Variants in HEATR5A observed in about 807,000 individuals in gnomAD.
HEATR5A encodes HEAT repeat containing 5A.
HEATR5A carries 178 observed loss-of-function variants against 218.8 expected under a neutral mutation model. That is an observed-to-expected ratio of 0.81 (90% CI 0.72 to 0.92). HEATR5A has a LOEUF of 0.92. HEATR5A is among the 40% of genes least tolerant of loss of function. HEATR5A has a pLI of 0.00. For missense variants in HEATR5A, 2,420 were observed against 2,418.9 expected (o/e 1.00, Z -0.01); for synonymous variants, 864 against 871.6 (o/e 0.99, Z 0.15).
At chr14:31,300,043 A>T (rs1899319847) in intron 33 of HEATR5A, among the ~76,000 whole-genome samples, 1 of 152,028 alleles carries the variant, frequency 6.6e-6, no homozygotes, top group African/African-American at 2.4e-5. Context: ...CTCAACAACA[A>T]CCACAACAAA....
At chr14:31,332,950 C>T (rs955941439) in intron 22 of HEATR5A, among the ~76,000 whole-genome samples, 2 of 150,198 alleles carry the variant, frequency 1.3e-5, no homozygotes, top group Non-Finnish European at 1.5e-5. Context: ...CGCGCCACTG[C>T]ACTCCAGCCT....
intron 13 of HEATR5A, among the ~76,000 whole-genome samples, chr14:31,368,194 C>T (rs1901876419): frequency 6.6e-6 from 1 of 151,990 alleles, no homozygotes; most frequent in Non-Finnish European, 1.5e-5. Flanking sequence ...CCTTCTATCC[C>T]TTTGCCAGAT....
At chr14:31,387,574 T>G (rs2030280728) in intron 7 of HEATR5A, among the ~76,000 whole-genome samples, 199 bp from the exon 8 acceptor site, 1 of 151,914 alleles carries the variant, frequency 6.6e-6, no homozygotes, top group Admixed American at 6.6e-5. Context: ...TTTTTTTTTT[T>G]TTTGAGACGG....
intron 1 of HEATR5A, among the ~76,000 whole-genome samples, chr14:31,417,919 A>G (rs1304884104): frequency 6.6e-6 from 1 of 152,138 alleles, no homozygotes; most frequent in African/African-American, 2.4e-5. Context: ...AATAAGTAAA[A>G]GTGAGGCTGG....
chr14:31,401,125 C>T (rs2030863554), intron 2 of HEATR5A, among the ~76,000 whole-genome samples: 1 of 152,092 alleles, frequency 6.6e-6, no homozygotes, highest in Non-Finnish European at 1.5e-5. Flanking sequence ...AGGCGTTAGC[C>T]ACCGCGTATT....
At chr14:31,364,034 C>T (rs1210377584) in intron 14 of HEATR5A, among the ~76,000 whole-genome samples, 155 bp downstream of exon 14, 1 of 152,192 alleles carries the variant, frequency 6.6e-6, no homozygotes, top group Non-Finnish European at 1.5e-5. Context: ...ATGGTGAACA[C>T]ATGGATTAGG....
intron 16 of HEATR5A, among the ~76,000 whole-genome samples, chr14:31,358,126 T>C (rs926283193): frequency 1.3e-5 from 2 of 152,182 alleles, no homozygotes; most frequent in African/African-American, 4.8e-5. Context: ...CAAAACCTCC[T>C]CCTATCCCTA....
At chr14:31,365,728 G>C (rs1374031147) in intron 13 of HEATR5A, among the ~76,000 whole-genome samples, 2 of 151,790 alleles carry the variant, frequency 1.3e-5, no homozygotes, top group East Asian at 3.9e-4. Context: ...GTAGTGGCGT[G>C]ATCTCAGCTC....
chr14:31,296,779 T>C (rs1899201039), intron 33 of HEATR5A: 1 of 152,160 alleles, frequency 6.6e-6, no homozygotes, highest in African/African-American at 2.4e-5. Context: ...AAAAGAAAGA[T>C]GTAGCAAATT....
intron 17 of HEATR5A, 75 bp downstream of exon 17, chr14:31,350,537 C>A (rs1259123604): frequency 6.5e-6 from 5 of 765,332 alleles, no homozygotes; most frequent in African/African-American, 3.6e-5. Context: ...AAAACATCAT[C>A]CTCCGACAAA....
chr14:31,344,605 A>T (rs1027834734), intron 20 of HEATR5A, among the ~76,000 whole-genome samples: 3 of 147,864 alleles, frequency 2.0e-5, no homozygotes, highest in African/African-American at 8.0e-5. Flanking sequence ...TCTTAATCTG[A>T]AAAGTTTATT....
At chr14:31,419,004 A>C (rs2031551037) in intron 1 of HEATR5A, among the ~76,000 whole-genome samples, 1 of 152,194 alleles carries the variant, frequency 6.6e-6, no homozygotes, top group Non-Finnish European at 1.5e-5. Context: ...TTAAGAATTA[A>C]AAAGGTACTT....
chr14:31,394,023 A>C (rs757732055), intron 6 of HEATR5A, 29 bp downstream of exon 6: 12 of 1,405,316 alleles, frequency 8.5e-6, no homozygotes, highest in Non-Finnish European at 1.1e-5. Flanking sequence ...ATTACAGAAG[A>C]GACTTTGAAA....
intron 28 of HEATR5A, 110 bp from the exon 29 acceptor site, chr14:31,309,292 C>G (rs1470238017): frequency 5.7e-6 from 7 of 1,222,636 alleles, no homozygotes; most frequent in Non-Finnish European, 8.0e-6. Flanking sequence ...TCCCTTGTAC[C>G]CTTTTTCAGT....
chr14:31,399,907 T>C lies in HEATR5A; in HGVS notation c.338+394A>G, dbSNP rs17097876. Reference sequence around the variant, plus strand: ...AGGTGATAAAATGAACTAAATCCTATAGAGAAACTAAGCTGTTCTTTTTAG... The same window carrying C: ...AGGTGATAAAATGAACTAAATCCTACAGAGAAACTAAGCTGTTCTTTTTAG... On this transcript the variant is annotated intron_variant, in intron 3 of 35. Transcript: ENST00000543095. Among the ~76,000 whole-genome samples, 715 of 152,320 alleles carry C rather than the reference T, an allele frequency of 4.7e-3. 8 individuals are homozygous for C. Among genetic ancestry groups the C allele is most frequent in the African/African-American group, 0.016 (668 of 41,570 alleles).
Position 31,380,502 on chromosome 14 carries a change from G to C in HEATR5A, c.1673C>G (p.Ala558Gly). Reference protein sequence around the residue: ...NSRLSAQRTQAGWLLISALMT... With the variant: ...NSRLSAQRTQGGWLLISALMT... ...CAGAGCAGAAATCAGCAACCATCCA[G>C]CTTGTGTGCGCTGAGCTGAAAGGCG... Residue 558 changes from alanine to glycine, a missense_variant, in exon 11 of 36, where the codon GCT becomes GGT. Coordinates refer to ENST00000543095, the MANE Select transcript of HEATR5A (RefSeq NM_015473.4). 1.2e-6 allele frequency: 2 copies of C among 1,608,804 alleles called. No individual in the cohort carries two copies. The highest frequency in any genetic ancestry group is 1.7e-6 in the Non-Finnish European group (2 of 1,177,494).
At chr14:31,386,624 T>C (rs775650990) in intron 8 of HEATR5A, 49 bp from the exon 9 acceptor site, 5 of 1,492,528 alleles carry the variant, frequency 3.4e-6, no homozygotes, top group African/African-American at 2.8e-5. Flanking sequence ...TATTAAAATA[T>C]ATTGAAAAGG....
intron 1 of HEATR5A, among the ~76,000 whole-genome samples, chr14:31,407,769 C>T (rs1464567538): frequency 1.3e-5 from 2 of 152,090 alleles, no homozygotes; most frequent in African/African-American, 4.8e-5. Flanking sequence ...GCTGGGATTA[C>T]AGGCATCCAC....
At chr14:31,411,252 T>C (rs760083680) in intron 1 of HEATR5A, among the ~76,000 whole-genome samples, 1 of 152,148 alleles carries the variant, frequency 6.6e-6, no homozygotes, top group Non-Finnish European at 1.5e-5. Context: ...AGTATAAAAG[T>C]ATTAATTACA....
Sources: allele counts gnomAD v4.1 joint callset (sites outside exome capture counted in the v4.1 genomes callset), GRCh38; gene constraint gnomAD v4.1.1; transcripts MANE v1.5; gene names NCBI Gene and HGNC (gene_info 2026-07-23, HGNC 2026-07-21).